The following CDKAL1 variants were observed in gnomAD, a reference collection of about 807,000 sequenced individuals.
CDKAL1 encodes threonylcarbamoyladenosine tRNA methylthiotransferase.
In CDKAL1, 32 loss-of-function variants were observed where a neutral mutation model predicts 68.2. That is an observed-to-expected ratio of 0.47 (90% CI 0.35 to 0.63). CDKAL1 has a LOEUF of 0.63. CDKAL1 is among the 30% of genes least tolerant of loss of function. The pLI is 0.00. For missense variants in CDKAL1, 606 were observed against 696.7 expected, an observed-to-expected ratio of 0.87 and a Z score of 1.47; for synonymous variants, 234 against 244.3, an observed-to-expected ratio of 0.96 and a Z score of 0.39.
intron 5 of CDKAL1, among the ~76,000 whole-genome samples, chr6:20,661,200 C>T (rs930014548): frequency 6.6e-6 from 1 of 152,092 alleles, no homozygotes; most frequent in East Asian, 1.9e-4. Flanking sequence ...TAAATACATT[C>T]TTGTTTATGG....
At chr6:21,226,231 G>A (rs1468742998) in intron 15 of CDKAL1, among the ~76,000 whole-genome samples, 4 of 150,508 alleles carry the variant, frequency 2.7e-5, no homozygotes, top group African/African-American at 9.8e-5. Flanking sequence ...CCAACTGTCT[G>A]TATTTATCTT....
intron 7 of CDKAL1, among the ~76,000 whole-genome samples, chr6:20,777,547 C>T (rs1378095661): frequency 4.6e-5 from 7 of 152,112 alleles, no homozygotes; most frequent in Non-Finnish European, 1.0e-4. Flanking sequence ...CCCAGGAAGT[C>T]GAGGCTGCAG....
intron 11 of CDKAL1, among the ~76,000 whole-genome samples, chr6:21,054,753 C>T (rs1247858767): frequency 2.6e-5 from 4 of 152,028 alleles, no homozygotes; most frequent in Non-Finnish European, 4.4e-5. Flanking sequence ...TTCTTGATTT[C>T]ATTTTCAGGT....
intron 8 of CDKAL1, among the ~76,000 whole-genome samples, chr6:20,788,904 TC>T (rs1775784957): frequency 6.6e-6 from 1 of 152,222 alleles, no homozygotes; most frequent in Non-Finnish European, 1.5e-5. Flanking sequence ...TCTTAGTCTC[TC>T]CTGTAGCTTT....
In CDKAL1 at chr6:21,101,168, C is replaced by G. The variant is rs190100776; in HGVS notation, c.1237-7233C>G. On this transcript the variant is annotated intron_variant, in intron 12 of 15. Coordinates refer to ENST00000274695, the MANE Select transcript of CDKAL1 (RefSeq NM_017774.3). ...AAAATGACTGATAGAATTGAGAACA[C>G]AGAATGGCAGTAGCTGAAAGACAGT... Among the ~76,000 whole-genome samples, 5 of 152,260 alleles carry G rather than the reference C, an allele frequency of 3.3e-5. No homozygotes were observed. In the East Asian group the frequency reaches 7.7e-4, roughly 23 times the overall value.
At chr6:20,993,761 C>T (rs1367899467) in intron 10 of CDKAL1, among the ~76,000 whole-genome samples, 1 of 151,978 alleles carries the variant, frequency 6.6e-6, no homozygotes, top group African/African-American at 2.4e-5. Context: ...ATTTTAAGTT[C>T]AGAGAAAAAT....
At chr6:20,750,603 T>C (rs1210399794) in intron 6 of CDKAL1, among the ~76,000 whole-genome samples, 5 of 152,158 alleles carry the variant, frequency 3.3e-5, no homozygotes, top group African/African-American at 4.8e-5. Context: ...GGACAAGATG[T>C]ACTAGGAATC....
At chr6:20,869,587 T>C (rs1479624635) in intron 9 of CDKAL1, among the ~76,000 whole-genome samples, 1 of 152,108 alleles carries the variant, frequency 6.6e-6, no homozygotes, top group African/African-American at 2.4e-5. Flanking sequence ...AATGCACAGT[T>C]AAGAATGGGT....
chr6:20,927,278 C>T (rs935622427), intron 9 of CDKAL1, among the ~76,000 whole-genome samples: 4 of 152,122 alleles, frequency 2.6e-5, no homozygotes, highest in Non-Finnish European at 5.9e-5. Context: ...AGGGGACCCC[C>T]TTGTGAATTT....
At chr6:20,712,991 T>A (rs1052113822) in intron 5 of CDKAL1, among the ~76,000 whole-genome samples, 2 of 150,108 alleles carry the variant, frequency 1.3e-5, no homozygotes, top group Admixed American at 6.6e-5. Flanking sequence ...TCTCTTTTAA[T>A]CTTTGTAAGA....
chr6:21,198,529 GTTGA>G (rs796558518), intron 14 of CDKAL1, among the ~76,000 whole-genome samples: 10 of 152,290 alleles, frequency 6.6e-5, no homozygotes, highest in African/African-American at 2.2e-4. Context: ...TAGTTGGTTG[GTTGA>G]TTGGTTGGTT....
rs375232431 is a variant in CDKAL1, at chr6:20,851,047, A to G, written c.742+4869A>G. On this transcript the variant is annotated intron_variant, in intron 9 of 15. Transcript: ENST00000274695. ...TTTTTTTTTCTCTCTCTCAACCTCCATAATTGACTATCTTTACCTTCTCAG... is the reference window on the plus strand; with the variant it reads ...TTTTTTTTTCTCTCTCTCAACCTCCGTAATTGACTATCTTTACCTTCTCAG... Among the ~76,000 whole-genome samples, 359 of 151,672 alleles carry G rather than the reference A, an allele frequency of 2.4e-3. 1 individual carries two copies. The highest frequency in any genetic ancestry group is 8.1e-3 in the African/African-American group (335 of 41,374).
At chr6:21,165,183 GAGA>G (rs774532732) in intron 13 of CDKAL1, among the ~76,000 whole-genome samples, 3 of 152,194 alleles carry the variant, frequency 2.0e-5, no homozygotes, top group Non-Finnish European at 4.4e-5. Context: ...TCTGTTTCAG[GAGA>G]AGAAGGACCA....
At chr6:20,950,924 C>T (rs922807718) in intron 9 of CDKAL1, among the ~76,000 whole-genome samples, 3 of 150,076 alleles carry the variant, frequency 2.0e-5, no homozygotes, top group African/African-American at 4.9e-5. Flanking sequence ...GAGCCGAGAT[C>T]GTGCCATTGC....
chr6:20,662,313 T>C (rs146097993), intron 5 of CDKAL1, among the ~76,000 whole-genome samples: 2,446 of 152,290 alleles, frequency 0.016, 30 homozygotes, highest in Middle Eastern at 0.048. Flanking sequence ...ATTAATGAAG[T>C]TATTTAGATT....
At chr6:21,065,334 C>A in intron 12 of CDKAL1, 106 bp downstream of exon 12, 1 of 872,680 alleles carries the variant, frequency 1.1e-6, no homozygotes, top group Non-Finnish European at 1.7e-6. Flanking sequence ...CCTTAAATTA[C>A]AAAATATGGA....
chr6:21,179,258 C>G (rs1777700099), intron 13 of CDKAL1, among the ~76,000 whole-genome samples: 1 of 152,136 alleles, frequency 6.6e-6, no homozygotes, highest in African/African-American at 2.4e-5. Flanking sequence ...GAAACACTAC[C>G]TGAAATAGGC....
At chr6:21,209,693 G>C (rs1057117800) in intron 15 of CDKAL1, among the ~76,000 whole-genome samples, 1 of 152,092 alleles carries the variant, frequency 6.6e-6, no homozygotes, top group Non-Finnish European at 1.5e-5. Context: ...AGAGCAAAAG[G>C]GATTCTTTAT....
intron 4 of CDKAL1, among the ~76,000 whole-genome samples, chr6:20,646,396 T>C (rs2127757053): frequency 6.6e-6 from 1 of 151,016 alleles, no homozygotes; most frequent in South Asian, 2.1e-4. Context: ...TTTAAATAAG[T>C]AGAAGGAGTA....
Sources: allele counts gnomAD v4.1 joint callset (sites outside exome capture counted in the v4.1 genomes callset), GRCh38; gene constraint gnomAD v4.1.1; transcripts MANE v1.5; gene names NCBI Gene and HGNC (gene_info 2026-07-23, HGNC 2026-07-21).